Variants in DGKB observed in about 807,000 individuals in gnomAD.
The protein encoded by DGKB is 90 kDa diacylglycerol kinase.
DGKB carries 67 observed loss-of-function variants against 114.3 expected under a neutral mutation model. The ratio of observed to expected loss-of-function variants is 0.59; its 90% CI spans 0.48 to 0.72. DGKB has a LOEUF of 0.72. Ranked by LOEUF, DGKB falls within the 30% of genes least tolerant of loss-of-function variation. The probability of loss-of-function intolerance (pLI) is 0.00; values close to 1 mark genes in which losing one functional copy is unlikely to be tolerated. For missense variants in DGKB, 907 were observed against 975.2 expected, an observed-to-expected ratio of 0.93 and a Z score of 0.93; for synonymous variants, 398 against 323.1, an observed-to-expected ratio of 1.23 and a Z score of -2.49.
At chr7:14,344,972 T>G (rs1489773979) in intron 22 of DGKB, among the ~76,000 whole-genome samples, 1 of 151,742 alleles carries the variant, frequency 6.6e-6, no homozygotes, top group Non-Finnish European at 1.5e-5. Flanking sequence ...ATATTTTTTA[T>G]GTATTCTGCA....
rs181437279 is a variant in DGKB at position 14,507,643 on chromosome 7, C to T, written c.1771-29418G>A. Among the ~76,000 whole-genome samples, 125 of 152,202 alleles carry T rather than the reference C, an allele frequency of 8.2e-4. 1 individual carries two copies. Among genetic ancestry groups the T allele is most frequent in the African/African-American group, 3.0e-3 (124 of 41,548 alleles). ...TTTCTTTTCAGGTATCCAGGGAGGGCCATATGTTGAACCAATGTGATACCC... is the reference window on the plus strand; with the variant it reads ...TTTCTTTTCAGGTATCCAGGGAGGGTCATATGTTGAACCAATGTGATACCC... On this transcript the variant is annotated intron_variant, in intron 20 of 25. Coordinates refer to ENST00000402815, the MANE Select transcript of DGKB (RefSeq NM_001350709.2).
At position 14,345,304 on chromosome 7, in the gene DGKB, T is replaced by A. The variant is rs1224030228; in HGVS notation, c.1923A>T (p.Ile641=). 21 of 1,527,474 alleles carry A rather than the reference T, an allele frequency of 1.4e-5. No individual in the cohort carries two copies. In the Middle Eastern group the frequency reaches 6.8e-4, roughly 49 times the overall value. The allele number at this position is 1,527,474 out of a possible 1,614,324, so 94.6% of individuals were successfully genotyped here. Residue 641 remains isoleucine (I), a synonymous_variant, in exon 22 of 26, where the codon ATA becomes ATT. Transcript: ENST00000402815. The part of the protein sequence containing the change: ...TCKKLHESVE[I]ECDGVQIDLI... ...AGAGAATTCATTTTTTTCTTACTTC[T>A]ATTTCTACAGATTCATGTAGCTTCT...
intron 1 of DGKB, among the ~76,000 whole-genome samples, chr7:14,882,080 T>G (rs1045249622): frequency 6.6e-6 from 1 of 152,082 alleles, no homozygotes. Context: ...AAAAAAATTC[T>G]ACTTCAACAG....
At position 14,154,177 on chromosome 7, in the gene DGKB, CTTT is replaced by C. The variant is rs5882429; in HGVS notation, c.2305-4942_2305-4940del. Among the ~76,000 whole-genome samples, 847 of 128,336 alleles carry C rather than the reference CTTT, an allele frequency of 6.6e-3. 13 individuals are homozygous for C. Among genetic ancestry groups the C allele is most frequent in the African/African-American group, 0.022 (770 of 35,292 alleles). The allele number at this position is 128,336 out of a possible 152,430, so 84.2% of individuals were successfully genotyped here. On this transcript the variant is annotated intron_variant, in intron 25 of 25. Coordinates refer to ENST00000402815, the MANE Select transcript of DGKB (RefSeq NM_001350709.2). ...ATAAATTGATATGGTAGAGTTTTGTCTTTTTTTTTTTTTTTTTTTTAAGAAAAA... is the reference window on the plus strand; with the variant it reads ...ATAAATTGATATGGTAGAGTTTTGTCTTTTTTTTTTTTTTTTTAAGAAAAA...
intron 2 of DGKB, among the ~76,000 whole-genome samples, chr7:14,762,277 A>G (rs1835817559): frequency 1.3e-5 from 2 of 152,076 alleles, no homozygotes; most frequent in South Asian, 4.1e-4. Context: ...TTTCTCCTAT[A>G]CTTTACCTTT....
At position 14,930,769 on chromosome 7, in the gene DGKB, T is replaced by C. The variant is rs112944329; in HGVS notation, c.-188+43927A>G. ...TAAATAGGAGTGGTGAGAATGGGCA[T>C]CCTTGACTTGTTCCAGTTCTTAGAG... On this transcript the variant is annotated intron_variant, in intron 1 of 4. Transcript: ENST00000437998. Among the ~76,000 whole-genome samples, 1,091 of 152,282 alleles carry C rather than the reference T, an allele frequency of 7.2e-3. 17 individuals are homozygous for C. Among genetic ancestry groups the C allele is most frequent in the African/African-American group, 0.025 (1,040 of 41,556 alleles).
chr7:14,439,790 G>C (rs917407423), intron 21 of DGKB, among the ~76,000 whole-genome samples: 10 of 150,946 alleles, frequency 6.6e-5, no homozygotes, highest in Admixed American at 3.3e-4. Context: ...CTTGAGCCTG[G>C]GAGACAGAAG....
intron 2 of DGKB, among the ~76,000 whole-genome samples, chr7:14,812,919 C>A (rs1344251443): frequency 6.6e-6 from 1 of 152,158 alleles, no homozygotes; most frequent in Non-Finnish European, 1.5e-5. Context: ...TATTCCCAAT[C>A]CACAACTCAC....
chr7:14,801,803 T>C (rs895351109), intron 2 of DGKB, among the ~76,000 whole-genome samples: 44 of 152,070 alleles, frequency 2.9e-4, no homozygotes, highest in African/African-American at 1.0e-3. Flanking sequence ...CATAATAAAT[T>C]AGTTTCTCTC....
At chr7:14,582,564 T>C (rs1013628266) in intron 18 of DGKB, among the ~76,000 whole-genome samples, 1 of 152,132 alleles carries the variant, frequency 6.6e-6, no homozygotes, top group Non-Finnish European at 1.5e-5. Context: ...ACTATCTGTA[T>C]CATAGAGTTG....
At chr7:14,405,200 A>T (rs1245428846) in intron 21 of DGKB, among the ~76,000 whole-genome samples, 1 of 151,988 alleles carries the variant, frequency 6.6e-6, no homozygotes, top group Non-Finnish European at 1.5e-5. Flanking sequence ...TAGTCAACAG[A>T]AGAATGGGTA....
At chr7:14,553,867 T>TTTC in intron 20 of DGKB, among the ~76,000 whole-genome samples, 1 of 109,910 alleles carries the variant, frequency 9.1e-6, no homozygotes, top group Admixed American at 9.2e-5. Flanking sequence ...TTTACATGCT[T>TTTC]TTTTTTTTTT....
At position 14,767,268 on chromosome 7, in the gene DGKB, G is replaced by T. The variant is rs1836599324; in HGVS notation, c.71-9537C>A. ...TGTCCTTTAGTGGGTAAGAGAGAAT[G>T]CAATCTTCTTCATAGCAGAAGGTCT... On this transcript the variant is annotated intron_variant, in intron 2 of 25. Transcript: ENST00000402815. 2.6e-5 allele frequency among the ~76,000 whole-genome samples: 4 copies of T among 151,906 alleles called. No homozygotes were observed. The South Asian group carries it at 6.2e-4, about 24-fold the overall frequency.
At position 14,518,621 on chromosome 7, in the gene DGKB, C is replaced by G. The variant is rs559421067; in HGVS notation, c.1771-40396G>C. Among the ~76,000 whole-genome samples, 4 of 152,112 alleles carry G rather than the reference C, an allele frequency of 2.6e-5. No homozygotes were observed. The East Asian group carries it at 7.7e-4, about 29-fold the overall frequency. On this transcript the variant is annotated intron_variant, in intron 20 of 25. Transcript: ENST00000402815. Reference sequence around the variant, plus strand: ...AAAATAAGTTTTTGGCTTCTGAGGACTCAGGAGATAAGAGTTGTTCCCCAG... The same window carrying G: ...AAAATAAGTTTTTGGCTTCTGAGGAGTCAGGAGATAAGAGTTGTTCCCCAG...
chr7:14,850,963 A>G (rs1337563032), intron 1 of DGKB, among the ~76,000 whole-genome samples: 2 of 152,174 alleles, frequency 1.3e-5, no homozygotes, highest in Admixed American at 6.5e-5. Flanking sequence ...TCTCATGAAA[A>G]GTAGATAATA....
intron 4 of DGKB, among the ~76,000 whole-genome samples, chr7:14,741,330 A>T (rs1242584927): frequency 6.6e-6 from 1 of 152,120 alleles, no homozygotes; most frequent in Non-Finnish European, 1.5e-5. Flanking sequence ...TTCTCCGTAA[A>T]GTTTTGATTA....
chr7:14,304,087 A>ACACACACTCTCT (rs140836395), intron 23 of DGKB, among the ~76,000 whole-genome samples: 9,218 of 109,880 alleles, frequency 0.084, 523 homozygotes, highest in Non-Finnish European at 0.11. Flanking sequence ...ACACACACAC[A>ACACACACTCTCT]CTCTCTCTCT....
chr7:14,801,464 G>A (rs554220689), intron 2 of DGKB, among the ~76,000 whole-genome samples: 3 of 152,274 alleles, frequency 2.0e-5, no homozygotes, highest in Admixed American at 1.3e-4. Flanking sequence ...GTTTCCATAT[G>A]AGACTAGCAT....
intron 1 of DGKB, among the ~76,000 whole-genome samples, chr7:14,935,405 T>A (rs887048264): frequency 6.6e-6 from 1 of 152,104 alleles, no homozygotes; most frequent in Non-Finnish European, 1.5e-5. Flanking sequence ...AATTAAAATA[T>A]CCCATCAGAC....
Sources: gnomAD v4.1 joint callset for allele counts (sites outside exome capture counted in the v4.1 genomes callset) on GRCh38, gnomAD v4.1.1 for gene constraint, MANE v1.5 for transcripts, NCBI Gene and HGNC (gene_info 2026-07-23, HGNC 2026-07-21) for gene names.